LY96: variants seen among roughly 807,000 people sequenced by gnomAD.
LY96 encodes the protein myeloid differentiation protein-2.
A neutral mutation model predicts 18.9 loss-of-function variants in LY96; 18 were observed. The ratio of observed to expected loss-of-function variants is 0.95; its 90% CI spans 0.66 to 1.41. The LOEUF (loss-of-function observed/expected upper bound fraction) is 1.41. Among genes scored for constraint, LY96 ranks in the 40% most tolerant of loss-of-function variants. LY96 has a pLI of 0.00. For synonymous variants in LY96, 66 were observed against 62.6 expected (o/e 1.06, Z -0.26); for missense variants, 175 against 182.4 (o/e 0.96, Z 0.23).
At chr8:74,012,895 T>C (rs1038898674) in intron 3 of LY96, among the ~76,000 whole-genome samples, 3 of 152,106 alleles carry the variant, frequency 2.0e-5, no homozygotes, top group African/African-American at 7.2e-5. Context: ...GCAATAGAAC[T>C]ATATGTTATT....
chr8:74,056,301 A>G, the LY96 span: 5 of 294,472 alleles, frequency 1.7e-5, no homozygotes, highest in South Asian at 3.0e-5. Flanking sequence ...TCAGCCAGCA[A>G]TCGGTTTGCA....
the LY96 span, among the ~76,000 whole-genome samples, chr8:74,088,995 C>T: frequency 9.9e-5 from 15 of 152,256 alleles, no homozygotes; most frequent in Admixed American, 9.8e-4. Context: ...TGGGGAATTC[C>T]AGCCTGTGGC....
At chr8:74,065,446 C>T in the LY96 span, among the ~76,000 whole-genome samples, 3,770 of 152,172 alleles carry the variant, frequency 0.025, 156 homozygotes, top group African/African-American at 0.086. Context: ...TTGTATTATT[C>T]TTATACCTTA....
At chr8:74,056,775 A>G in the LY96 span, 1 of 152,336 alleles carries the variant, frequency 6.6e-6, no homozygotes, top group Admixed American at 6.5e-5. Context: ...GGCCTGAATA[A>G]GTTTGAAAGT....
At chr8:74,034,358 C>T in the LY96 span, among the ~76,000 whole-genome samples, 39 of 150,962 alleles carry the variant, frequency 2.6e-4, no homozygotes, top group Admixed American at 1.3e-3. Context: ...GGCAATAAAG[C>T]GAGACTCTGT....
chr8:73,996,372 CCTTTCTTTCTTT>C lies in LY96; in HGVS notation c.112+4875_112+4886del, dbSNP rs541600290. Among the ~76,000 whole-genome samples, 452 of 110,962 alleles carry C rather than the reference CCTTTCTTTCTTT, an allele frequency of 4.1e-3. 3 individuals are homozygous for C. Among genetic ancestry groups the C allele is most frequent in the African/African-American group, 0.011 (319 of 28,524 alleles). The allele number at this position is 110,962 out of a possible 152,430, so 72.8% of individuals were successfully genotyped here. A position where few individuals can be genotyped will look rare whatever the true frequency, so the allele number is the denominator to read the frequency against. On this transcript the variant is annotated intron_variant, in intron 1 of 4. Transcript: ENST00000284818. ...TCCTTCCTTCCTTCCTTCCTTCATT[CCTTTCTTTCTTT>C]CTTTCTTTCTTTCTTTCTTTCTTTC...
chr8:74,051,485 C>G, the LY96 span, among the ~76,000 whole-genome samples: 136 of 152,242 alleles, frequency 8.9e-4, no homozygotes, highest in African/African-American at 3.2e-3. Context: ...CTTAGTAATT[C>G]ATGCTTCTCT....
downstream of LY96, among the ~76,000 whole-genome samples, chr8:74,033,211 AG>A (rs1360254130): frequency 1.3e-5 from 2 of 152,208 alleles, no homozygotes; most frequent in African/African-American, 2.4e-5. Context: ...GTAAGGAGAA[AG>A]GGATTAAAAG....
chr8:74,073,898 T>A, the LY96 span, among the ~76,000 whole-genome samples: 1 of 152,104 alleles, frequency 6.6e-6, no homozygotes, highest in East Asian at 1.9e-4. Context: ...GCTCAAGTGA[T>A]CTGCCTGCCT....
chr8:74,086,191 A>G, the LY96 span, among the ~76,000 whole-genome samples: 1 of 152,150 alleles, frequency 6.6e-6, no homozygotes, highest in Non-Finnish European at 1.5e-5. Context: ...ATGTCACTCA[A>G]TCGGAGTCAT....
chr8:74,008,331 G>T lies in LY96; in HGVS notation c.203-1670G>T, dbSNP rs757459035. 1.4e-4 allele frequency among the ~76,000 whole-genome samples: 21 copies of T among 152,230 alleles called. 1 individual carries two copies. Among genetic ancestry groups the T allele is most frequent in the Admixed American group, 6.5e-4 (10 of 15,284 alleles). ...TGTCACTGGACACCACAGTGGTGCT[G>T]TCTTGTGCTTCTGTGTCTCCAGGAA... On this transcript the variant is annotated intron_variant, in intron 2 of 4. Transcript: ENST00000284818.
At chr8:74,098,128 G>A in the LY96 span, among the ~76,000 whole-genome samples, 26 of 152,306 alleles carry the variant, frequency 1.7e-4, 1 homozygote, top group Admixed American at 1.4e-3. Context: ...TTACTTGTCT[G>A]TGATGTGAGA....
chr8:73,997,662 A>G (rs1303546122), intron 1 of LY96, among the ~76,000 whole-genome samples: 1 of 152,200 alleles, frequency 6.6e-6, no homozygotes, highest in Non-Finnish European at 1.5e-5. Flanking sequence ...TGCCATGTGC[A>G]AGCCCTAGGC....
At chr8:74,035,785 C>T in the LY96 span, among the ~76,000 whole-genome samples, 1 of 152,188 alleles carries the variant, frequency 6.6e-6, no homozygotes, top group Non-Finnish European at 1.5e-5. Context: ...CAGACATTCC[C>T]TTCTATTGAT....
intron 1 of LY96, among the ~76,000 whole-genome samples, chr8:73,996,353 C>CTTCT (rs1457179999): frequency 7.8e-6 from 1 of 128,526 alleles, no homozygotes; most frequent in Non-Finnish European, 1.7e-5. Flanking sequence ...TCCTTCCTTC[C>CTTCT]TTCCTTCCTT....
intron 3 of LY96, among the ~76,000 whole-genome samples, chr8:74,019,131 G>A (rs1816705693): frequency 1.3e-5 from 2 of 152,116 alleles, no homozygotes; most frequent in Non-Finnish European, 2.9e-5. Flanking sequence ...AATGAATCCA[G>A]GAGCTGATTT....
chr8:74,046,568 AC>A, the LY96 span, among the ~76,000 whole-genome samples: 3 of 151,924 alleles, frequency 2.0e-5, no homozygotes, highest in Non-Finnish European at 4.4e-5. Flanking sequence ...AAATATGCCC[AC>A]CCCCCACGCA....
intron 1 of LY96, among the ~76,000 whole-genome samples, chr8:73,994,263 C>G (rs1321733172): frequency 1.3e-5 from 2 of 152,204 alleles, no homozygotes; most frequent in Non-Finnish European, 2.9e-5. Context: ...CTGGAATACA[C>G]ATCTACAGCA....
At chr8:74,098,595 C>T in the LY96 span, among the ~76,000 whole-genome samples, 1 of 152,142 alleles carries the variant, frequency 6.6e-6, no homozygotes, top group African/African-American at 2.4e-5. Flanking sequence ...ATCTCAAGCT[C>T]CTGACCTCAA....
Sources: allele counts gnomAD v4.1 joint callset (sites outside exome capture counted in the v4.1 genomes callset), GRCh38; gene constraint gnomAD v4.1.1; transcripts MANE v1.5; gene names NCBI Gene and HGNC (gene_info 2026-07-23, HGNC 2026-07-21).